The following SORT1 variants were observed in gnomAD, a reference collection of about 807,000 sequenced individuals.
SORT1 encodes the protein sortilin 1.
In SORT1, 39 loss-of-function variants were observed where a neutral mutation model predicts 101.7. The ratio of observed to expected loss-of-function variants is 0.38; its 90% CI spans 0.30 to 0.50. The LOEUF is 0.50. Ranked by LOEUF, SORT1 falls within the 20% of genes least tolerant of loss-of-function variation. The pLI is 0.90. For synonymous variants in SORT1, 396 were observed against 393.7 expected (o/e 1.01, Z -0.07); for missense variants, 878 against 1,040.4 (o/e 0.84, Z 2.15).
At position 109,314,883 on chromosome 1, in the gene SORT1, G is replaced by C; in HGVS notation, c.2251-105C>G. On this transcript the variant is annotated intron_variant, in intron 17 of 19. Transcript: ENST00000256637. The stretch of plus-strand genomic sequence containing the variant: ...CTCATCTCTTTGTGAATGATCTGCA[G>C]TCCTGATGCGCTTAATGATGGCTCT... 4.8e-6 allele frequency: 3 copies of C among 625,692 alleles called. No individual in the cohort carries two copies. The South Asian group carries it at 5.3e-5, about 11-fold the overall frequency. The allele number at this position is 625,692 out of a possible 1,614,324, so 38.8% of individuals were successfully genotyped here.
At position 109,397,585 on chromosome 1, in the gene SORT1, A is replaced by G; in HGVS notation, c.306+2T>C. The G allele has an allele frequency of 8.1e-7, 1 of 1,237,924 alleles. No homozygotes were observed. The highest frequency in any genetic ancestry group is 1.0e-6 in the Non-Finnish European group (1 of 977,826). The allele number at this position is 1,237,924 out of a possible 1,614,324, so 76.7% of individuals were successfully genotyped here. On this transcript the variant is annotated splice_donor_variant, in intron 1 of 19. Coordinates refer to ENST00000256637, the MANE Select transcript of SORT1 (RefSeq NM_002959.7). LOFTEE classifies it high-confidence loss of function. ...CGGCTCCCGGGCCCGGCGCCCGCTC[A>G]CCTGGTGCGTGTTGTTGGCCAGCTT...
At chr1:109,319,861 C>T (rs895548715) in intron 15 of SORT1, among the ~76,000 whole-genome samples, 19 of 148,400 alleles carry the variant, frequency 1.3e-4, no homozygotes, top group African/African-American at 3.0e-4. Flanking sequence ...CACGAGACTC[C>T]GTCTCAAAAA....
intron 14 of SORT1, 117 bp downstream of exon 14, chr1:109,324,782 C>T: frequency 1.5e-6 from 1 of 672,340 alleles, no homozygotes; most frequent in Non-Finnish European, 2.5e-6. Flanking sequence ...ATCTGTCAAT[C>T]CTCTTTCATA....
In SORT1 at chr1:109,314,255, C is replaced by A. The variant is rs745983328; in HGVS notation, c.2481+6G>T. 2.5e-6 allele frequency: 4 copies of A among 1,612,542 alleles called. No homozygotes were observed. The East Asian group carries it at 8.9e-5, about 36-fold the overall frequency. On this transcript the variant is annotated splice_donor_region_variant and intron_variant, in intron 19 of 19. Coordinates refer to ENST00000256637, the MANE Select transcript of SORT1 (RefSeq NM_002959.7). Reference sequence around the variant, plus strand: ...GGTACTACCATTCAAGAAGAAATAGCCTCACCTCATCTGAGTCATCATGAT... The same window carrying A: ...GGTACTACCATTCAAGAAGAAATAGACTCACCTCATCTGAGTCATCATGAT...
intron 1 of SORT1, among the ~76,000 whole-genome samples, chr1:109,386,943 AC>A (rs1295982413): frequency 1.3e-5 from 2 of 152,246 alleles, no homozygotes; most frequent in East Asian, 3.9e-4. Context: ...TTAACTCTTA[AC>A]AAATTAAAGC....
Position 109,357,472 on chromosome 1 carries a change from C to T in SORT1, c.441-2003G>A, listed in dbSNP as rs542887648. Among the ~76,000 whole-genome samples the T allele has an allele frequency of 1.6e-3, 245 of 152,282 alleles. 2 individuals are homozygous for T. The highest frequency in any genetic ancestry group is 5.5e-3 in the African/African-American group (230 of 41,546). ...ACAGATGAGGAGTTGCAAGGGAAGG[C>T]AATTTATCAAAAGTCAACTAGTTAA... On this transcript the variant is annotated intron_variant, in intron 3 of 19. Transcript: ENST00000256637.
At chr1:109,355,636 A>C (rs1650256414) in intron 3 of SORT1, among the ~76,000 whole-genome samples, 167 bp from the exon 4 acceptor site, 7 of 51,896 alleles carry the variant, frequency 1.3e-4, no homozygotes, top group Admixed American at 9.8e-4. Context: ...TCCGAAGAAC[A>C]TTCCACCCGC....
chr1:109,349,531 T>G (rs189621930), intron 6 of SORT1, among the ~76,000 whole-genome samples: 31 of 152,130 alleles, frequency 2.0e-4, no homozygotes, highest in Non-Finnish European at 4.3e-4. Context: ...TCTGGGAGGC[T>G]GAGGAGGAAG....
chr1:109,319,556 C>G (rs554327242), intron 15 of SORT1, among the ~76,000 whole-genome samples: 17 of 152,232 alleles, frequency 1.1e-4, no homozygotes, highest in African/African-American at 4.1e-4. Flanking sequence ...GGCTTTGACC[C>G]CTTCTGCAAC....
intron 1 of SORT1, among the ~76,000 whole-genome samples, chr1:109,379,842 A>T (rs1652107032): frequency 6.6e-6 from 1 of 152,240 alleles, no homozygotes; most frequent in African/African-American, 2.4e-5. Flanking sequence ...ATTTCAAGTT[A>T]GTGGTATAAG....
At chr1:109,378,538 C>T (rs960254028) in intron 1 of SORT1, among the ~76,000 whole-genome samples, 2 of 150,432 alleles carry the variant, frequency 1.3e-5, no homozygotes, top group Admixed American at 6.6e-5. Context: ...AGCTTTGTTG[C>T]CAGAAATAAC....
chr1:109,378,188 G>C (rs549846367), intron 1 of SORT1, among the ~76,000 whole-genome samples: 43 of 152,222 alleles, frequency 2.8e-4, no homozygotes, highest in African/African-American at 1.0e-3. Context: ...AGTAAGCTAT[G>C]ATCATGCCAC....
chr1:109,343,887 G>A (rs1276656340), intron 8 of SORT1, among the ~76,000 whole-genome samples: 1 of 152,168 alleles, frequency 6.6e-6, no homozygotes, highest in African/African-American at 2.4e-5. Context: ...CTGACCTCAA[G>A]TGATTTGCTC....
rs376637640 is a variant in SORT1 at position 109,342,267 on chromosome 1, G to A, written c.964-109C>T. ...CTACTATTATCCATTTCTCTACTGG[G>A]TACGATTGCTATGAATGAAAGGTCA... On this transcript the variant is annotated intron_variant, in intron 8 of 19. Coordinates refer to ENST00000256637, the MANE Select transcript of SORT1 (RefSeq NM_002959.7). 4.4e-5 allele frequency: 36 copies of A among 815,662 alleles called. No individual in the cohort carries two copies. The South Asian group carries it at 6.2e-4, about 14-fold the overall frequency. 50.5% of individuals were successfully genotyped at this position (815,662 alleles called of 1,614,324 possible).
intron 14 of SORT1, among the ~76,000 whole-genome samples, chr1:109,323,721 C>T (rs1647796629): frequency 6.6e-6 from 1 of 152,120 alleles, no homozygotes; most frequent in African/African-American, 2.4e-5. Context: ...AAGGCTGTGA[C>T]CTAAAGACAG....
At chr1:109,379,406 G>A (rs903721072) in intron 1 of SORT1, among the ~76,000 whole-genome samples, 3 of 152,168 alleles carry the variant, frequency 2.0e-5, no homozygotes, top group Non-Finnish European at 2.9e-5. Flanking sequence ...TGTGGCCCAC[G>A]GGCTGTGGGT....
chr1:109,384,904 C>T (rs903813935), intron 1 of SORT1, among the ~76,000 whole-genome samples: 27 of 152,030 alleles, frequency 1.8e-4, no homozygotes, highest in African/African-American at 6.5e-4. Context: ...ATGGTGAAAC[C>T]CCATCTCTAC....
intron 2 of SORT1, 68 bp from the exon 3 acceptor site, chr1:109,367,549 G>T: frequency 9.8e-7 from 1 of 1,015,502 alleles, no homozygotes; most frequent in Middle Eastern, 2.1e-4. Context: ...ATGTGTTCGA[G>T]ATTAAGCCAA....
rs1658626347 is a variant in SORT1 at position 109,310,031 on chromosome 1, G to T, written c.*4012C>A. On this transcript the variant is annotated 3_prime_UTR_variant, in exon 20 of 20. Transcript: ENST00000256637. ...CCTCCCTAGAGGTCCAAACACAGGAGGTGGGCCAAATCATCAGGGAACAGT... is the reference window on the plus strand; with the variant it reads ...CCTCCCTAGAGGTCCAAACACAGGATGTGGGCCAAATCATCAGGGAACAGT... The T allele has an allele frequency of 6.6e-6, 1 of 152,622 alleles. No homozygotes were observed. Among genetic ancestry groups the T allele is most frequent in the East Asian group, 1.9e-4 (1 of 5,198 alleles). The allele number at this position is 152,622 out of a possible 1,614,324, so 9.5% of individuals were successfully genotyped here.
Sources: gnomAD v4.1 joint callset for allele counts (sites outside exome capture counted in the v4.1 genomes callset) on GRCh38, gnomAD v4.1.1 for gene constraint, MANE v1.5 for transcripts, NCBI Gene and HGNC (gene_info 2026-07-23, HGNC 2026-07-21) for gene names.